The following DNAAF9 variants were observed in gnomAD, a reference collection of about 807,000 sequenced individuals.
DNAAF9 encodes the protein shulin.
A neutral mutation model predicts 167.0 loss-of-function variants in DNAAF9; 90 were observed. The observed-to-expected ratio is 0.54, with a 90% CI of 0.45 to 0.64. DNAAF9 has a LOEUF of 0.64. Among genes scored for constraint, DNAAF9 ranks in the 30% least tolerant of loss-of-function variants. The pLI is 0.00. For synonymous variants in DNAAF9, 491 were observed against 508.8 expected (o/e 0.96, Z 0.47); for missense variants, 1,315 against 1,442.2 (o/e 0.91, Z 1.43).
intron 1 of DNAAF9, among the ~76,000 whole-genome samples, chr20:3,394,853 C>G (rs1208874134): frequency 6.6e-6 from 1 of 150,584 alleles, no homozygotes; most frequent in Admixed American, 6.7e-5. Context: ...AGCACTTGAA[C>G]TTGCTAGTAT....
At chr20:3,370,070 G>C (rs529647533) in intron 6 of DNAAF9, among the ~76,000 whole-genome samples, 1 of 152,170 alleles carries the variant, frequency 6.6e-6, no homozygotes, top group African/African-American at 2.4e-5. Flanking sequence ...ATGAGGCAAT[G>C]AAAAGGCTAA....
intron 5 of DNAAF9, 65 bp downstream of exon 5, chr20:3,374,965 G>A (rs1027998033): frequency 2.4e-6 from 2 of 835,300 alleles, no homozygotes; most frequent in African/African-American, 3.4e-5. Flanking sequence ...GAAAGGAAAA[G>A]TAGTGACGTT....
At chr20:3,351,845 T>C (rs1473250803) in intron 7 of DNAAF9, among the ~76,000 whole-genome samples, 1 of 142,512 alleles carries the variant, frequency 7.0e-6, no homozygotes, top group Admixed American at 7.0e-5. Context: ...TTTATTTATT[T>C]ATTTATTTAT....
intron 20 of DNAAF9, 40 bp downstream of exon 20, chr20:3,314,993 C>T (rs759763095): frequency 8.7e-7 from 1 of 1,150,982 alleles, no homozygotes; most frequent in Non-Finnish European, 1.3e-6. Flanking sequence ...AAATGAGGGA[C>T]CCAGACATGG....
intron 29 of DNAAF9, among the ~76,000 whole-genome samples, chr20:3,278,668 G>A (rs575602126): frequency 3.7e-4 from 57 of 152,246 alleles, no homozygotes; most frequent in African/African-American, 1.1e-3. Context: ...GCAGTGAGCC[G>A]AGACCACGCT....
chr20:3,295,179 T>TC (rs2069046802), intron 23 of DNAAF9, among the ~76,000 whole-genome samples: 1 of 146,382 alleles, frequency 6.8e-6, no homozygotes. Context: ...CCCACTTTTT[T>TC]TTTCTTTTTT....
At chr20:3,354,645 AC>A (rs1368377963) in intron 7 of DNAAF9, among the ~76,000 whole-genome samples, 1 of 152,210 alleles carries the variant, frequency 6.6e-6, no homozygotes, top group Non-Finnish European at 1.5e-5. Flanking sequence ...AGAATGTTCT[AC>A]CACCTTCTCC....
chr20:3,310,005 C>G (rs184590724), intron 20 of DNAAF9, among the ~76,000 whole-genome samples: 2 of 152,106 alleles, frequency 1.3e-5, no homozygotes, highest in African/African-American at 4.8e-5. Context: ...CCAGCCTGAC[C>G]GACATAGAGA....
intron 34 of DNAAF9, among the ~76,000 whole-genome samples, chr20:3,255,596 G>A (rs1334715689): frequency 6.6e-6 from 1 of 152,120 alleles, no homozygotes; most frequent in Non-Finnish European, 1.5e-5. Context: ...GGGGCAGTCT[G>A]AGGCCCCACA....
At chr20:3,399,386 T>G (rs2083952869) in intron 1 of DNAAF9, among the ~76,000 whole-genome samples, 1 of 151,994 alleles carries the variant, frequency 6.6e-6, no homozygotes, top group African/African-American at 2.4e-5. Flanking sequence ...ATTTCTGTAT[T>G]TTTAGTAGAG....
intron 9 of DNAAF9, 95 bp downstream of exon 9, chr20:3,343,581 G>C (rs2070129041): frequency 1.2e-6 from 1 of 859,028 alleles, no homozygotes; most frequent in Non-Finnish European, 1.9e-6. Flanking sequence ...CCTGACTCTA[G>C]CTTCTGAACT....
At chr20:3,349,217 A>AAAAAAC (rs1748916989) in intron 7 of DNAAF9, among the ~76,000 whole-genome samples, 4 of 150,350 alleles carry the variant, frequency 2.7e-5, no homozygotes, top group African/African-American at 9.8e-5. Flanking sequence ...AAAAAAAAAA[A>AAAAAAC]ACACCATGAA....
intron 27 of DNAAF9, among the ~76,000 whole-genome samples, chr20:3,285,932 A>G (rs371681401): frequency 6.6e-6 from 1 of 151,636 alleles, no homozygotes. Flanking sequence ...GTGAGCTGAG[A>G]TTGCACCACT....
chr20:3,322,637 C>T lies in DNAAF9; in HGVS notation c.1310+15G>A. 1.9e-6 allele frequency: 3 copies of T among 1,600,178 alleles called. No homozygotes were observed. Among genetic ancestry groups the T allele is most frequent in the South Asian group, 1.1e-5 (1 of 90,790 alleles). Reference sequence around the variant, plus strand: ...ACTTGCTCCATGTAAGGATGCACCACAATCATATACGCACCTTCCCTGATT... The same window carrying T: ...ACTTGCTCCATGTAAGGATGCACCATAATCATATACGCACCTTCCCTGATT... On this transcript the variant is annotated intron_variant, in intron 15 of 36. Coordinates refer to ENST00000252032, the MANE Select transcript of DNAAF9 (RefSeq NM_001009984.3).
intron 20 of DNAAF9, among the ~76,000 whole-genome samples, chr20:3,312,394 T>C: frequency 6.6e-6 from 1 of 151,878 alleles, no homozygotes; most frequent in Non-Finnish European, 1.5e-5. Flanking sequence ...CATTAACTTG[T>C]ACTACATCTC....
chr20:3,281,492 C>G (rs930103424), intron 28 of DNAAF9, 149 bp downstream of exon 28: 1 of 584,114 alleles, frequency 1.7e-6, no homozygotes, highest in Non-Finnish European at 2.8e-6. Flanking sequence ...GGCTATAAGT[C>G]CAAAGGGGTC....
Position 3,324,876 on chromosome 20 carries a change from A to G in DNAAF9, c.1265+16T>C, listed in dbSNP as rs751186853. On this transcript the variant is annotated intron_variant, in intron 14 of 36. Coordinates refer to ENST00000252032, the MANE Select transcript of DNAAF9 (RefSeq NM_001009984.3). Reference sequence around the variant, plus strand: ...AGAAAAAAAATTCCTTATAAAAAATATCAGCCATTGCTTACCGCAGGGCTG... The same window carrying G: ...AGAAAAAAAATTCCTTATAAAAAATGTCAGCCATTGCTTACCGCAGGGCTG... 1.4e-6 allele frequency: 2 copies of G among 1,383,394 alleles called. No individual in the cohort carries two copies. The highest frequency in any genetic ancestry group is 4.6e-5 in the East Asian group (2 of 43,806). 85.7% of individuals were successfully genotyped at this position (1,383,394 alleles called of 1,614,324 possible).
intron 29 of DNAAF9, among the ~76,000 whole-genome samples, chr20:3,270,918 T>G (rs952163827): frequency 2.0e-5 from 3 of 151,816 alleles, no homozygotes; most frequent in African/African-American, 7.3e-5. Context: ...GTTCAAGCAA[T>G]TCTCCTGCCT....
At chr20:3,303,515 T>C (rs1188584009) in intron 21 of DNAAF9, among the ~76,000 whole-genome samples, 1 of 152,224 alleles carries the variant, frequency 6.6e-6, no homozygotes, top group African/African-American at 2.4e-5. Flanking sequence ...TCTTCCCTGA[T>C]ATTGGAAGAC....
Sources: allele counts gnomAD v4.1 joint callset (sites outside exome capture counted in the v4.1 genomes callset), GRCh38; gene constraint gnomAD v4.1.1; transcripts MANE v1.5; gene names NCBI Gene and HGNC (gene_info 2026-07-23, HGNC 2026-07-21).